APBA1: variants seen among roughly 807,000 people sequenced by gnomAD.
The protein encoded by APBA1 is amyloid-beta A4 precursor protein-binding family A member 1.
A neutral mutation model predicts 86.6 loss-of-function variants in APBA1; 55 were observed. The observed-to-expected ratio is 0.64, with a 90% CI of 0.51 to 0.80. The LOEUF (loss-of-function observed/expected upper bound fraction) is 0.80, where lower values mean the gene tolerates loss of function less well. Ranked by LOEUF, APBA1 falls within the 30% of genes least tolerant of loss-of-function variation. The pLI is 0.00. For missense variants in APBA1, 1,090 were observed against 1,183.0 expected, an observed-to-expected ratio of 0.92 and a Z score of 1.15; for synonymous variants, 511 against 493.9, an observed-to-expected ratio of 1.03 and a Z score of -0.46.
intron 11 of APBA1, among the ~76,000 whole-genome samples, chr9:69,440,166 G>A (rs555278023): frequency 1.2e-4 from 19 of 152,246 alleles, no homozygotes; most frequent in Middle Eastern, 3.4e-3. Flanking sequence ...AGGAGTACCC[G>A]GCTGTGTGAG....
chr9:69,652,042 A>G (rs535727451), intron 1 of APBA1, among the ~76,000 whole-genome samples: 1 of 152,332 alleles, frequency 6.6e-6, no homozygotes, highest in Non-Finnish European at 1.5e-5. Context: ...AGGGATGTAC[A>G]CACAGAGAAA....
intron 5 of APBA1, chr9:69,463,430 C>A (rs1008717497): frequency 1.3e-5 from 2 of 152,178 alleles, no homozygotes; most frequent in African/African-American, 4.8e-5. Context: ...GCAAAGGAAT[C>A]TTGTAAATTT....
chr9:69,437,739 C>G (rs1348107878), intron 11 of APBA1, among the ~76,000 whole-genome samples: 4 of 278 alleles, frequency 0.014, no homozygotes, highest in African/African-American at 0.04. Flanking sequence ...CTCCTGGATT[C>G]ATTGATTTTT....
intron 1 of APBA1, among the ~76,000 whole-genome samples, chr9:69,628,863 T>C (rs552812282): frequency 1.2e-3 from 176 of 152,300 alleles, no homozygotes; most frequent in African/African-American, 3.9e-3. Context: ...TGAACTCATG[T>C]AATAGTTCTG....
intron 1 of APBA1, among the ~76,000 whole-genome samples, chr9:69,565,921 G>C (rs1837019604): frequency 6.6e-6 from 1 of 152,208 alleles, no homozygotes; most frequent in Non-Finnish European, 1.5e-5. Flanking sequence ...GGCGTCTACG[G>C]CTCTCAGAGT....
intron 1 of APBA1, among the ~76,000 whole-genome samples, chr9:69,611,674 A>G (rs935483224): frequency 4.6e-5 from 7 of 152,176 alleles, no homozygotes; most frequent in Admixed American, 2.6e-4. Context: ...TTATCAACTA[A>G]TCAGTTTCTA....
chr9:69,495,367 T>C (rs1835778231), intron 2 of APBA1, among the ~76,000 whole-genome samples: 1 of 152,134 alleles, frequency 6.6e-6, no homozygotes, highest in African/African-American at 2.4e-5. Flanking sequence ...AATCGGTACA[T>C]CCAGAAGTTC....
intron 1 of APBA1, among the ~76,000 whole-genome samples, chr9:69,528,413 A>G (rs1270234724): frequency 1.3e-5 from 2 of 152,098 alleles, no homozygotes; most frequent in African/African-American, 4.8e-5. Context: ...TCTGATTCCA[A>G]TAAAATACAT....
At chr9:69,525,032 C>T (rs1371389980) in intron 1 of APBA1, among the ~76,000 whole-genome samples, 1 of 152,170 alleles carries the variant, frequency 6.6e-6, no homozygotes, top group South Asian at 2.1e-4. Flanking sequence ...ATCCAACATC[C>T]CTTCATGATA....
intron 1 of APBA1, among the ~76,000 whole-genome samples, chr9:69,660,117 T>G (rs1383110719): frequency 6.6e-6 from 1 of 152,208 alleles, no homozygotes; most frequent in East Asian, 1.9e-4. Flanking sequence ...GCATACAGTT[T>G]CTGTCCATTT....
intron 2 of APBA1, among the ~76,000 whole-genome samples, chr9:69,481,658 G>A (rs1050714780): frequency 1.3e-5 from 2 of 150,718 alleles, no homozygotes; most frequent in South Asian, 2.1e-4. Context: ...AGCCCGCATC[G>A]CCAAGGCAAT....
chr9:69,436,440 C>G (rs139963274), intron 11 of APBA1, among the ~76,000 whole-genome samples: 8,463 of 151,876 alleles, frequency 0.056, 804 homozygotes, highest in African/African-American at 0.19. Context: ...TTCTTTGTAT[C>G]CTCCTTTATT....
At chr9:69,560,482 C>G (rs1378575210) in intron 1 of APBA1, among the ~76,000 whole-genome samples, 2 of 152,148 alleles carry the variant, frequency 1.3e-5, no homozygotes, top group Admixed American at 1.3e-4. Context: ...CTTTTTGAAG[C>G]TGGATAGGTT....
chr9:69,571,145 A>G (rs1837108637), intron 1 of APBA1, among the ~76,000 whole-genome samples: 1 of 152,210 alleles, frequency 6.6e-6, no homozygotes, highest in Admixed American at 6.5e-5. Context: ...TGTACACTGC[A>G]CAATGAAGGA....
At position 69,456,350 on chromosome 9, in the gene APBA1, C is replaced by T. The variant is rs535189113; in HGVS notation, c.1685G>A (p.Arg562Gln). ...GNIVVLMARR[R>Q]MPRSNSQENV... ...CTCCTGGGAGTTGGAGCGAGGCATC[C>T]GCCGGCGGGCCATCAGCACAACGAT... Residue 562 changes from arginine to glutamine, a missense_variant, in exon 8 of 13, where the codon CGG becomes CAG. Transcript: ENST00000265381. The T allele has an allele frequency of 8.1e-6, 13 of 1,614,090 alleles. No homozygotes were observed. Among genetic ancestry groups the T allele is most frequent in the East Asian group, 2.2e-5 (1 of 44,876 alleles).
intron 2 of APBA1, among the ~76,000 whole-genome samples, chr9:69,482,276 G>A (rs1229305118): frequency 6.6e-6 from 1 of 151,516 alleles, no homozygotes; most frequent in African/African-American, 2.4e-5. Flanking sequence ...AAATTTACAA[G>A]AAAAAAACAA....
chr9:69,666,898 C>T (rs1027624787), intron 1 of APBA1, among the ~76,000 whole-genome samples: 3 of 152,146 alleles, frequency 2.0e-5, no homozygotes, highest in African/African-American at 7.2e-5. Flanking sequence ...GATACTGTTG[C>T]TAGCTTACTT....
intron 1 of APBA1, among the ~76,000 whole-genome samples, chr9:69,578,087 G>A (rs1461173335): frequency 6.6e-6 from 1 of 152,162 alleles, no homozygotes; most frequent in African/African-American, 2.4e-5. Flanking sequence ...AGAAAACATC[G>A]ATCTTACTTT....
chr9:69,628,860 A>T (rs1045732617), intron 1 of APBA1, among the ~76,000 whole-genome samples: 3 of 152,210 alleles, frequency 2.0e-5, no homozygotes, highest in Non-Finnish European at 2.9e-5. Context: ...CTGTGAACTC[A>T]TGTAATAGTT....
Sources: gnomAD v4.1 joint callset for allele counts (sites outside exome capture counted in the v4.1 genomes callset) on GRCh38, gnomAD v4.1.1 for gene constraint, MANE v1.5 for transcripts, NCBI Gene and HGNC (gene_info 2026-07-23, HGNC 2026-07-21) for gene names.